HEXB: variants seen among roughly 807,000 people sequenced by gnomAD.
HEXB encodes beta-hexosaminidase subunit beta.
Under a neutral mutation model 71.2 loss-of-function variants are expected in HEXB, and 51 were observed. The ratio of observed to expected loss-of-function variants is 0.72; its 90% confidence interval spans 0.57 to 0.90. The LOEUF (loss-of-function observed/expected upper bound fraction) is 0.90. Ranked by LOEUF, HEXB falls within the 40% of genes least tolerant of loss-of-function variation. HEXB has a pLI of 0.00. For synonymous variants in HEXB, 266 were observed against 249.3 expected, an observed-to-expected ratio of 1.07 and a Z score of -0.63; for missense variants, 617 against 677.0, an observed-to-expected ratio of 0.91 and a Z score of 0.98.
intron 8 of HEXB, among the ~76,000 whole-genome samples, chr5:74,716,017 A>T (rs1313492140): frequency 2.6e-5 from 1 of 39,138 alleles, no homozygotes; most frequent in South Asian, 6.7e-4. Context: ...ACTCCATCTC[A>T]AAAAAAAAAA....
Position 74,705,283 on chromosome 5 carries a change from C to A in HEXB, c.734C>A (p.Pro245Gln). Residue 245 changes from proline (P) to glutamine (Q), a missense_variant, in exon 6 of 14, where the codon CCA becomes CAA. Coordinates refer to ENST00000261416, the MANE Select transcript of HEXB (RefSeq NM_000521.4). ...HWHIVDDQSF[P>Q]YQSITFPELS... ...CACATAGTTGATGACCAGTCTTTCC[C>A]ATATCAGAGCATCACTTTTCCTGAG... is the stretch of plus-strand genomic sequence containing the variant. 6.2e-7 allele frequency: 1 copy of A among 1,609,004 alleles called. No individual in the cohort carries two copies. Among genetic ancestry groups the A allele is most frequent in the Non-Finnish European group, 8.5e-7 (1 of 1,175,474 alleles).
intron 1 of HEXB, among the ~76,000 whole-genome samples, chr5:74,657,747 TG>T (rs1419992816): frequency 5.9e-5 from 9 of 152,258 alleles, no homozygotes; most frequent in African/African-American, 2.2e-4. Flanking sequence ...TGTAGTCACA[TG>T]GTTTCTAAAG....
chr5:74,718,106 ATC>A (rs1749720464), intron 9 of HEXB, among the ~76,000 whole-genome samples, 183 bp from the exon 10 acceptor site: 2 of 152,318 alleles, frequency 1.3e-5, no homozygotes, highest in South Asian at 4.1e-4. Context: ...TAGGTTCTGT[ATC>A]AAGTGCTAAA....
chr5:74,693,117 A>C (rs1462951209), intron 2 of HEXB, among the ~76,000 whole-genome samples: 1 of 152,222 alleles, frequency 6.6e-6, no homozygotes, highest in African/African-American at 2.4e-5. Context: ...GTACAGGGCA[A>C]GTAGAAAATT....
intron 1 of HEXB, among the ~76,000 whole-genome samples, chr5:74,646,409 G>C (rs1748002119): frequency 1.3e-5 from 2 of 151,994 alleles, no homozygotes; most frequent in Admixed American, 1.3e-4. Context: ...TTTACTTGAG[G>C]CTCTGCTCTT....
At chr5:74,644,845 C>A in intron 1 of HEXB, among the ~76,000 whole-genome samples, 1 of 131,362 alleles carries the variant, frequency 7.6e-6, no homozygotes, top group East Asian at 2.4e-4. Flanking sequence ...AATCTCGGCT[C>A]ACTACAACCT....
Position 74,713,603 on chromosome 5 carries a change from A to T in HEXB, c.869A>T (p.Asp290Val). Residue 290 changes from aspartate to valine, a missense_variant, in exon 7 of 14, where the codon GAT becomes GTT. Coordinates refer to ENST00000261416, the MANE Select transcript of HEXB (RefSeq NM_000521.4). ...LRGIRVLPEFDTPGHTLSWGK... is the reference protein window; with the variant it reads ...LRGIRVLPEFVTPGHTLSWGK... ...GGAATTCGAGTCCTGCCAGAATTTG[A>T]TACCCCTGGGCATACACTATCTTGG... 2 of 1,613,366 alleles carry T rather than the reference A, an allele frequency of 1.2e-6. No individual in the cohort carries two copies. Among genetic ancestry groups the T allele is most frequent in the Non-Finnish European group, 1.7e-6 (2 of 1,179,300 alleles).
Position 74,720,241 on chromosome 5 carries a change from T to G in HEXB, c.1418-187T>G, listed in dbSNP as rs557361513. 8.8e-4 allele frequency: 543 copies of G among 613,944 alleles called. 1 individual carries two copies. In the African/African-American group the frequency reaches 8.9e-3, roughly 10 times the overall value. The allele number at this position is 613,944 out of a possible 1,614,324, so 38.0% of individuals were successfully genotyped here. A position where few individuals can be genotyped will look rare whatever the true frequency, so the allele number is the denominator to read the frequency against. ...GGGATAAAGTTTGCAACCATTTTTT[T>G]GGGGGGTGGGGGAAGAGGAGGGGCC... is the stretch of plus-strand genomic sequence containing the variant. On this transcript the variant is annotated intron_variant, in intron 11 of 13. Transcript: ENST00000261416.
intron 13 of HEXB, 27 bp downstream of exon 13, chr5:74,720,774 A>G (rs1193066515): frequency 6.6e-7 from 1 of 1,526,570 alleles, no homozygotes. Flanking sequence ...GTCCAGTGTG[A>G]TTTTTAACCT....
Position 74,721,179 on chromosome 5 carries a change from A to G in HEXB, c.*4A>G. 6.2e-7 allele frequency: 1 copy of G among 1,611,690 alleles called. No individual in the cohort carries two copies. The highest frequency in any genetic ancestry group is 1.1e-5 in the South Asian group (1 of 91,038). On this transcript the variant is annotated 3_prime_UTR_variant, in exon 14 of 14. Transcript: ENST00000261416. The stretch of plus-strand genomic sequence containing the variant: ...TTGTAACCATGAGAACATGTAAAAA[A>G]TGGAGGGGAAAAAGGCCACAGCAAT...
intron 5 of HEXB, among the ~76,000 whole-genome samples, chr5:74,702,324 C>G (rs962116778): frequency 1.3e-5 from 2 of 151,718 alleles, no homozygotes; most frequent in Admixed American, 1.3e-4. Context: ...GTGATCCGCC[C>G]GCCTCGGCCT....
chr5:74,718,971 G>A lies in HEXB; in HGVS notation c.1417G>A (p.Gly473Ser), dbSNP rs762892362. The A allele has an allele frequency of 1.1e-5, 18 of 1,613,810 alleles. No homozygotes were observed. The highest frequency in any genetic ancestry group is 1.6e-4 in the Middle Eastern group (1 of 6,084). Residue 473 changes from glycine to serine, a missense_variant and splice_region_variant, in exon 11 of 14, where the codon GGT becomes AGT. Gly to Ser is a moderately conservative substitution (Grantham distance 56). Coordinates refer to ENST00000261416, the MANE Select transcript of HEXB (RefSeq NM_000521.4). ...YYKVEPLDFG[G>S]TQKQKQLFIG... ...TAAAGTGGAACCTCTTGATTTTGGC[G>A]GTAAGTGAAGCAGTTGGTCCAAGTG...
rs192964248 is a variant in HEXB at position 74,712,372 on chromosome 5, T to G, written c.772-1134T>G. On this transcript the variant is annotated intron_variant, in intron 6 of 13. Transcript: ENST00000261416. ...GTGCAGCGCACCAGCATGGCACATGTATACATACGTAACTAACCTGCACAT... is the reference window on the plus strand; with the variant it reads ...GTGCAGCGCACCAGCATGGCACATGGATACATACGTAACTAACCTGCACAT... Among the ~76,000 whole-genome samples the G allele has an allele frequency of 3.5e-3, 529 of 151,442 alleles. 3 individuals carry two copies. Among genetic ancestry groups the G allele is most frequent in the African/African-American group, 0.013 (514 of 41,048 alleles).
intron 1 of HEXB, among the ~76,000 whole-genome samples, chr5:74,661,912 A>G (rs983771392): frequency 6.6e-6 from 1 of 152,226 alleles, no homozygotes; most frequent in Non-Finnish European, 1.5e-5. Context: ...ATATAGCCAA[A>G]TACCAAGTGC....
chr5:74,646,661 G>T (rs762834268), intron 1 of HEXB, among the ~76,000 whole-genome samples: 1 of 150,832 alleles, frequency 6.6e-6, no homozygotes, highest in Non-Finnish European at 1.5e-5. Context: ...TCTGCCCTCC[G>T]AGTTCAAGCG....
intron 1 of HEXB, among the ~76,000 whole-genome samples, chr5:74,676,854 T>C (rs1748639468): frequency 6.6e-6 from 1 of 152,264 alleles, no homozygotes; most frequent in African/African-American, 2.4e-5. Flanking sequence ...AAGCTATTGA[T>C]TGGCTATACA....
chr5:74,643,289 A>G (rs1353812063), intron 1 of HEXB, among the ~76,000 whole-genome samples: 2 of 152,210 alleles, frequency 1.3e-5, no homozygotes, highest in African/African-American at 2.4e-5. Flanking sequence ...CTCTCAGCCA[A>G]TCCTAAAGGT....
chr5:74,710,829 G>T lies in HEXB; in HGVS notation c.772-2677G>T, dbSNP rs957662029. Among the ~76,000 whole-genome samples the T allele has an allele frequency of 7.2e-5, 11 of 152,122 alleles. No homozygotes were observed. In the South Asian group the frequency reaches 1.2e-3, roughly 17 times the overall value. On this transcript the variant is annotated intron_variant, in intron 6 of 13. Transcript: ENST00000261416. ...AAAATTCCATGCTCATGGGTAGGAA[G>T]AATCAATATCATGAAAATGGCCATA...
chr5:74,721,177 A>C lies in HEXB; in HGVS notation c.*2A>C. Reference sequence around the variant, plus strand: ...TATTGTAACCATGAGAACATGTAAAAAATGGAGGGGAAAAAGGCCACAGCA... The same window carrying C: ...TATTGTAACCATGAGAACATGTAAACAATGGAGGGGAAAAAGGCCACAGCA... On this transcript the variant is annotated 3_prime_UTR_variant, in exon 14 of 14. Transcript: ENST00000261416. The C allele has an allele frequency of 6.2e-7, 1 of 1,612,124 alleles. No homozygotes were observed. The highest frequency in any genetic ancestry group is 8.5e-7 in the Non-Finnish European group (1 of 1,178,280).
Sources: gnomAD v4.1 joint callset for allele counts (sites outside exome capture counted in the v4.1 genomes callset) on GRCh38, gnomAD v4.1.1 for gene constraint, MANE v1.5 for transcripts, NCBI Gene and HGNC (gene_info 2026-07-23, HGNC 2026-07-21) for gene names.